SENP7: variants seen among roughly 807,000 people sequenced by gnomAD.
SENP7 encodes the protein SUMO specific peptidase 7, also known as sentrin-specific protease 7.
In SENP7, 64 loss-of-function variants were observed where a neutral mutation model predicts 141.2. The observed-to-expected ratio is 0.45, with a 90% CI of 0.37 to 0.56. The LOEUF is 0.56. Ranked by LOEUF, SENP7 falls within the 20% of genes least tolerant of loss-of-function variation. The probability of loss-of-function intolerance (pLI) is 0.00; values close to 1 mark genes in which losing one functional copy is unlikely to be tolerated. For synonymous variants in SENP7, 382 were observed against 426.4 expected, an observed-to-expected ratio of 0.90 and a Z score of 1.28; for missense variants, 1,025 against 1,212.2, an observed-to-expected ratio of 0.85 and a Z score of 2.29.
At chr3:101,458,724 T>A (rs547177068) in intron 4 of SENP7, 1 of 360,136 alleles carries the variant, frequency 2.8e-6, no homozygotes, top group South Asian at 5.3e-5. Context: ...TGTATAACTC[T>A]TGCATTATCA....
At chr3:101,489,976 G>C (rs980349760) in intron 3 of SENP7, among the ~76,000 whole-genome samples, 3 of 152,196 alleles carry the variant, frequency 2.0e-5, no homozygotes, top group African/African-American at 4.8e-5. Flanking sequence ...CCTGAGGTCA[G>C]GAGTTCAAGA....
At chr3:101,347,585 G>GTA (rs2059497428) in intron 13 of SENP7, 1 of 168,182 alleles carries the variant, frequency 5.9e-6, no homozygotes, top group Non-Finnish European at 1.3e-5. Context: ...AGCCGGGCAC[G>GTA]GTGGCGGGCA....
At chr3:101,346,022 C>T (rs1350725124) in intron 13 of SENP7, among the ~76,000 whole-genome samples, 1 of 151,996 alleles carries the variant, frequency 6.6e-6, no homozygotes, top group African/African-American at 2.4e-5. Flanking sequence ...TCTATGCATC[C>T]AACAAAGGAC....
chr3:101,443,430 C>T (rs1198832349), intron 4 of SENP7, among the ~76,000 whole-genome samples: 11 of 145,750 alleles, frequency 7.5e-5, no homozygotes, highest in Non-Finnish European at 1.7e-4. Context: ...TTTGGCGATG[C>T]GGGCTCTTTT....
At chr3:101,448,716 C>T (rs1192356046) in intron 4 of SENP7, among the ~76,000 whole-genome samples, 1 of 152,124 alleles carries the variant, frequency 6.6e-6, no homozygotes, top group African/African-American at 2.4e-5. Flanking sequence ...CACACCAAAA[C>T]CCCATCTGTA....
Position 101,463,369 on chromosome 3 carries a change from ATATAT to A in SENP7, c.187-4322_187-4318del, listed in dbSNP as rs1559864764. On this transcript the variant is annotated intron_variant, in intron 3 of 23. Transcript: ENST00000394095. Reference sequence around the variant, plus strand: ...GTATCATAAATAAATAAATAAATATATATATATATATATATATATATATATATACA... The same window carrying A: ...GTATCATAAATAAATAAATAAATATAATATATATATATATATATATATACA... 4.8e-3 allele frequency among the ~76,000 whole-genome samples: 390 copies of A among 80,544 alleles called. 5 individuals carry two copies. The highest frequency in any genetic ancestry group is 0.017 in the African/African-American group (339 of 19,416). The allele number at this position is 80,544 out of a possible 152,430, so 52.8% of individuals were successfully genotyped here. A position where few individuals can be genotyped will look rare whatever the true frequency, so the allele number is the denominator to read the frequency against.
At chr3:101,345,839 CT>C (rs2107225667) in intron 13 of SENP7, among the ~76,000 whole-genome samples, 1 of 152,274 alleles carries the variant, frequency 6.6e-6, no homozygotes, top group South Asian at 2.1e-4. Flanking sequence ...TGGAAAAACC[CT>C]TCTAGACATT....
Position 101,368,346 on chromosome 3 carries a change from A to G in SENP7, c.797-335T>C, listed in dbSNP as rs553837634. ...ATTTGGCTGTACTATCAAAAAAAAAAGGGGATTAAGAAAATGTGGCCCATA... is the reference window on the plus strand; with the variant it reads ...ATTTGGCTGTACTATCAAAAAAAAAGGGGGATTAAGAAAATGTGGCCCATA... On this transcript the variant is annotated intron_variant, in intron 7 of 23. Coordinates refer to ENST00000394095, the MANE Select transcript of SENP7 (RefSeq NM_020654.5). 1.1e-4 allele frequency among the ~76,000 whole-genome samples: 17 copies of G among 151,786 alleles called. No individual in the cohort carries two copies. The South Asian group carries it at 1.7e-3, about 15-fold the overall frequency.
chr3:101,415,539 T>C (rs570792916), intron 5 of SENP7, among the ~76,000 whole-genome samples: 3 of 152,294 alleles, frequency 2.0e-5, no homozygotes, highest in South Asian at 4.1e-4. Flanking sequence ...AAGTACTGGA[T>C]TTGGAAAAAC....
Position 101,325,978 on chromosome 3 carries a change from G to T in SENP7, c.3118C>A (p.Leu1040Ile). 6.2e-7 allele frequency: 1 copy of T among 1,610,582 alleles called. No homozygotes were observed. The highest frequency in any genetic ancestry group is 8.5e-7 in the Non-Finnish European group (1 of 1,178,262). The part of the protein sequence containing the change: ...REDIRELILK[L>I]HLQQQKGSSS Reference sequence around the variant, plus strand: ...CTGCCCTTCTGTTGCTGTAAATGAAGTTTCAAGATGAGCTCTCGAATATCT... The same window carrying T: ...CTGCCCTTCTGTTGCTGTAAATGAATTTTCAAGATGAGCTCTCGAATATCT... The change falls in exon 24 of 24, where the codon CTT becomes ATT. Residue 1040 changes from leucine to isoleucine, a missense_variant. Physicochemically the swap from Leu to Ile is conservative, Grantham distance 5. Transcript: ENST00000394095.
At chr3:101,378,144 T>C (rs1380755400) in intron 6 of SENP7, among the ~76,000 whole-genome samples, 2 of 151,002 alleles carry the variant, frequency 1.3e-5, no homozygotes, top group African/African-American at 4.9e-5. Context: ...TAGTACGTCA[T>C]GTCCAACTAT....
At chr3:101,473,810 G>T (rs1188872671) in intron 3 of SENP7, among the ~76,000 whole-genome samples, 3 of 151,966 alleles carry the variant, frequency 2.0e-5, no homozygotes, top group Non-Finnish European at 4.4e-5. Flanking sequence ...ATCTTTGCAC[G>T]TGCCTATCTC....
chr3:101,459,216 G>A (rs2063467916), intron 3 of SENP7, among the ~76,000 whole-genome samples, 164 bp from the exon 4 acceptor site: 1 of 152,042 alleles, frequency 6.6e-6, no homozygotes, highest in African/African-American at 2.4e-5. Flanking sequence ...TTTTACTAAT[G>A]CATAAATGTA....
At chr3:101,387,512 C>T (rs1432113328) in intron 6 of SENP7, among the ~76,000 whole-genome samples, 5 of 152,136 alleles carry the variant, frequency 3.3e-5, no homozygotes, top group South Asian at 2.1e-4. Context: ...CTTCTGCTGG[C>T]GGCACCCACA....
At chr3:101,370,165 G>T (rs931314523) in intron 7 of SENP7, among the ~76,000 whole-genome samples, 1 of 152,130 alleles carries the variant, frequency 6.6e-6, no homozygotes, top group Non-Finnish European at 1.5e-5. Context: ...ACTAAAAAAT[G>T]TTTCTTTTGT....
intron 16 of SENP7, among the ~76,000 whole-genome samples, chr3:101,338,767 C>A (rs2059254203): frequency 6.6e-6 from 1 of 152,104 alleles, no homozygotes; most frequent in African/African-American, 2.4e-5. Flanking sequence ...TTCCTATCAG[C>A]CAAATTGGAA....
At position 101,341,728 on chromosome 3, in the gene SENP7, T is replaced by G. The variant is rs745455381; in HGVS notation, c.2158A>C (p.Ser720Arg). 6.2e-7 allele frequency: 1 copy of G among 1,611,914 alleles called. No individual in the cohort carries two copies. Among genetic ancestry groups the G allele is most frequent in the South Asian group, 1.1e-5 (1 of 90,816 alleles). Residue 720 changes from serine to arginine, a missense_variant, in exon 15 of 24, where the codon AGT becomes CGT. Ser to Arg is a moderately radical substitution (Grantham distance 110). Coordinates refer to ENST00000394095, the MANE Select transcript of SENP7 (RefSeq NM_020654.5). ...ATAGAAAGGGAGTAGCAACCGCTAC[T>G]TTGCTTCTGCAGGAAGGTGTAAGTA... ...KPTYTFLQKQ[S>R]SGCYSLSITS... is the part of the protein sequence containing the mutation.
At chr3:101,442,032 G>A (rs66758920) in intron 4 of SENP7, among the ~76,000 whole-genome samples, 60,329 of 151,770 alleles carry the variant, frequency 0.4, 12,499 homozygotes, top group Admixed American at 0.54. Context: ...TACATCTACA[G>A]GAAAAAGTCT....
chr3:101,395,804 C>T (rs916985251), intron 6 of SENP7, among the ~76,000 whole-genome samples: 4 of 152,108 alleles, frequency 2.6e-5, no homozygotes, highest in African/African-American at 9.7e-5. Context: ...ATGTTGGCAC[C>T]CTCATTGTAG....
Sources: allele counts gnomAD v4.1 joint callset (sites outside exome capture counted in the v4.1 genomes callset), GRCh38; gene constraint gnomAD v4.1.1; transcripts MANE v1.5; gene names NCBI Gene and HGNC (gene_info 2026-07-23, HGNC 2026-07-21).